Variants in USP26 observed in about 807,000 individuals in gnomAD.
The protein encoded by USP26 is ubiquitin carboxyl-terminal hydrolase 26.
For missense variants in USP26, 649 were observed against 642.3 expected (o/e 1.01, Z -0.11); for synonymous variants, 236 against 240.6 (o/e 0.98, Z 0.18).
intron 5 of USP26, among the ~76,000 whole-genome samples, chrX:133,077,938 G>T (rs2067555807): frequency 9.0e-6 from 1 of 110,902 alleles, no homozygotes; most frequent in South Asian, 3.9e-4. Context: ...AAAAAAATTA[G>T]CCAAGCATGG....
In USP26 at chrX:133,069,405, A is replaced by G. The variant is rs1031818422; in HGVS notation, c.-77+14302T>C. On this transcript the variant is annotated intron_variant, in intron 5 of 5. Coordinates refer to ENST00000511190, the MANE Select transcript of USP26 (RefSeq NM_031907.3). ...GTTGGAGTCACAATTATGAATGAGA[A>G]GCTTAAGAGAGAAGAATGGGACCCA... is the stretch of plus-strand genomic sequence containing the variant. 1.3e-4 allele frequency among the ~76,000 whole-genome samples: 15 copies of G among 111,436 alleles called. No individual in the cohort carries two copies. The Admixed American group carries it at 1.4e-3, about 11-fold the overall frequency.
intron 5 of USP26, among the ~76,000 whole-genome samples, chrX:133,041,269 G>A (rs1485540110): frequency 5.4e-5 from 6 of 111,028 alleles, no homozygotes; most frequent in Middle Eastern, 4.3e-3. Context: ...AGGAGATGAG[G>A]CATTCTGGTT....
At chrX:133,088,558 G>A (rs2067597262) in intron 4 of USP26, among the ~76,000 whole-genome samples, 1 of 111,349 alleles carries the variant, frequency 9.0e-6, no homozygotes, top group Non-Finnish European at 1.9e-5. Flanking sequence ...CCGGAGTTTG[G>A]AAACCCCTGA....
intron 5 of USP26, among the ~76,000 whole-genome samples, chrX:133,036,821 T>G (rs758708456): frequency 8.9e-6 from 1 of 112,495 alleles, no homozygotes; most frequent in East Asian, 2.8e-4. Context: ...CCTATTTCTC[T>G]GCATCCTTGA....
intron 5 of USP26, among the ~76,000 whole-genome samples, chrX:133,078,498 C>A (rs942753411): frequency 8.9e-6 from 1 of 112,104 alleles, no homozygotes; most frequent in South Asian, 3.7e-4. Flanking sequence ...TCAAGCTAGG[C>A]TGAGCCCAGG....
chrX:133,057,385 T>C (rs1042504997), intron 5 of USP26, among the ~76,000 whole-genome samples: 1 of 111,933 alleles, frequency 8.9e-6, no homozygotes, highest in Non-Finnish European at 1.9e-5. Flanking sequence ...TGCTAGAAGT[T>C]TGTCGATTTT....
intron 5 of USP26, among the ~76,000 whole-genome samples, chrX:133,075,963 A>G (rs1354319498): frequency 8.9e-6 from 1 of 111,929 alleles, no homozygotes; most frequent in Non-Finnish European, 1.9e-5. Flanking sequence ...GGGTTACAGT[A>G]TTATTTAAAT....
At chrX:133,083,906 C>T (rs776614931) in intron 4 of USP26, 135 bp from the exon 5 acceptor site, 1 of 112,104 alleles carries the variant, frequency 8.9e-6, no homozygotes, top group East Asian at 2.8e-4. Flanking sequence ...CTTTCCCTGT[C>T]CCTTCTACTG....
At position 133,080,524 on chromosome X, in the gene USP26, G is replaced by A. The variant is rs983256121; in HGVS notation, c.-77+3183C>T. Among the ~76,000 whole-genome samples the A allele has an allele frequency of 5.4e-5, 6 of 111,189 alleles. No homozygotes were observed. The East Asian group carries it at 1.7e-3, about 32-fold the overall frequency. ...TTGGAACAACATCACTTACTTAGAA[G>A]TCTGTTCTAAGTAACACAACTCCCC... On this transcript the variant is annotated intron_variant, in intron 5 of 5. Coordinates refer to ENST00000511190, the MANE Select transcript of USP26 (RefSeq NM_031907.3).
At chrX:133,028,965 C>T (rs1411653545) in intron 5 of USP26, among the ~76,000 whole-genome samples, 2 of 112,467 alleles carry the variant, frequency 1.8e-5, no homozygotes, top group Non-Finnish European at 3.8e-5. Context: ...ATAACAACTT[C>T]TTACCCATTA....
chrX:133,024,574 A>G lies in USP26; in HGVS notation c.*905T>C, dbSNP rs1451462303. 1 of 112,224 alleles carries G rather than the reference A, an allele frequency of 8.9e-6. No individual in the cohort carries two copies. The highest frequency in any genetic ancestry group is 9.5e-5 in the Admixed American group (1 of 10,554). 9.2% of individuals were successfully genotyped at this position (112,224 alleles called of 1,213,427 possible). On this transcript the variant is annotated 3_prime_UTR_variant, in exon 6 of 6. Transcript: ENST00000511190. ...TCAAAAGTTATCAGCCTCATTTTTT[A>G]TTGCCAGGATCCCAGCAACTATTTT...
intron 5 of USP26, among the ~76,000 whole-genome samples, chrX:133,034,263 G>A (rs2148526816): frequency 1.8e-5 from 2 of 111,747 alleles, no homozygotes; most frequent in African/African-American, 6.5e-5. Context: ...CATAAAGTTG[G>A]AGAAGTAGGA....
chrX:133,079,906 C>A (rs1343429241), intron 5 of USP26, among the ~76,000 whole-genome samples: 1 of 111,582 alleles, frequency 9.0e-6, no homozygotes, highest in Non-Finnish European at 1.9e-5. Flanking sequence ...AAAATACTAA[C>A]AAGACTTACT....
intron 5 of USP26, among the ~76,000 whole-genome samples, chrX:133,060,485 C>T (rs2067490706): frequency 1.8e-5 from 2 of 111,622 alleles, no homozygotes; most frequent in South Asian, 7.4e-4. Flanking sequence ...TTATATAGAA[C>T]ATTATAACTG....
Position 133,027,233 on chromosome X carries a change from A to G in USP26, c.988T>C (p.Trp330Arg). The G allele has an allele frequency of 8.3e-7, 1 of 1,210,883 alleles. No individual in the cohort carries two copies. The highest frequency in any genetic ancestry group is 2.2e-5 in the Admixed American group (1 of 45,976). Residue 330 changes from tryptophan to arginine, a missense_variant, in exon 6 of 6, where the codon TGG (tryptophan) becomes CGG (arginine). Transcript: ENST00000511190. ...AGAGCATTAAGGGGAATTTTACCCC[A>G]TGGGAAACTCTGATTAAGTAAATCA... ...ADDLLNQSFP[W>R]GKIPLNALTM... is the part of the protein sequence containing the mutation.
chrX:133,082,091 A>G (rs1047781351), intron 5 of USP26, among the ~76,000 whole-genome samples: 1 of 111,782 alleles, frequency 8.9e-6, no homozygotes, highest in African/African-American at 3.3e-5. Flanking sequence ...ATGTTGAAGC[A>G]GAGAGAGAAG....
Position 133,026,648 on chromosome X carries a change from T to A in USP26, c.1573A>T (p.Ser525Cys). 8.3e-7 allele frequency: 1 copy of A among 1,208,892 alleles called. No homozygotes were observed. Among genetic ancestry groups the A allele is most frequent in the Non-Finnish European group, 1.1e-6 (1 of 894,223 alleles). Residue 525 changes from serine (S) to cysteine (C), a missense_variant, in exon 6 of 6, where the codon AGC (serine) becomes TGC (cysteine). Physicochemically the swap from Ser to Cys is moderately radical, Grantham distance 112. Coordinates refer to ENST00000511190, the MANE Select transcript of USP26 (RefSeq NM_031907.3). ...TTTAATGCACAAAACTCATTCAAGC[T>A]ATAGCGTTTGAGGTGAACAATAAGG... is the stretch of plus-strand genomic sequence containing the variant. ...RILIVHLKRY[S>C]LNEFCALKKN...
chrX:133,042,606 C>T (rs1014686060), intron 5 of USP26, among the ~76,000 whole-genome samples: 2 of 111,885 alleles, frequency 1.8e-5, no homozygotes, highest in South Asian at 3.8e-4. Flanking sequence ...GCATTGGTCT[C>T]GCTGGGAGCT....
rs372687410 is a variant in USP26, at chrX:133,027,184, A to T, written c.1037T>A (p.Leu346His). Residue 346 changes from leucine (L) to histidine (H), a missense_variant, in exon 6 of 6, where the codon CTT (leucine) becomes CAT (histidine). Transcript: ENST00000511190. ...NALTMCLARLLFFKDTYNIEI... is the reference protein window; with the variant it reads ...NALTMCLARLHFFKDTYNIEI... ...TATATTATAGGTATCTTTAAAAAAA[A>T]GTAGCCGTGCCAAGCACATGGTAAG... is the stretch of plus-strand genomic sequence containing the variant. 2.8e-5 allele frequency: 34 copies of T among 1,208,294 alleles called. No homozygotes were observed. In the East Asian group the frequency reaches 6.2e-4, roughly 22 times the overall value.
Sources: gnomAD v4.1 joint callset for allele counts (sites outside exome capture counted in the v4.1 genomes callset) on GRCh38, gnomAD v4.1.1 for gene constraint, MANE v1.5 for transcripts, NCBI Gene and HGNC (gene_info 2026-07-23, HGNC 2026-07-21) for gene names.